The following PEMT variants were observed in gnomAD, a reference collection of about 807,000 sequenced individuals.
PEMT encodes phospholipid methyltransferase.
PEMT carries 23 observed loss-of-function variants against 27.4 expected under a neutral mutation model. The observed-to-expected ratio is 0.84, with a 90% CI of 0.60 to 1.19. The LOEUF (loss-of-function observed/expected upper bound fraction) is 1.19, where lower values mean the gene tolerates loss of function less well. PEMT is among the 50% of genes most tolerant of loss of function. The pLI is 0.00. For synonymous variants in PEMT, 137 were observed against 139.1 expected (o/e 0.98, Z 0.11); for missense variants, 307 against 310.1 (o/e 0.99, Z 0.07).
intron 2 of PEMT, among the ~76,000 whole-genome samples, chr17:17,535,955 C>T (rs1908437227): frequency 6.6e-6 from 1 of 152,214 alleles, no homozygotes; most frequent in Non-Finnish European, 1.5e-5. Flanking sequence ...AGGGGATGCC[C>T]CTGCCCTCCC....
chr17:17,521,703 T>G (rs1907274294), intron 3 of PEMT, among the ~76,000 whole-genome samples: 1 of 152,184 alleles, frequency 6.6e-6, no homozygotes, highest in Non-Finnish European at 1.5e-5. Context: ...TAGCTGGGAT[T>G]ACAGGCGCAT....
intron 2 of PEMT, among the ~76,000 whole-genome samples, chr17:17,568,327 C>T (rs1020404178): frequency 6.6e-6 from 1 of 152,230 alleles, no homozygotes; most frequent in Non-Finnish European, 1.5e-5. Context: ...CCTGGTTATG[C>T]TCTCTCCGTA....
At chr17:17,548,797 G>A (rs1374701360) in intron 2 of PEMT, among the ~76,000 whole-genome samples, 2 of 152,104 alleles carry the variant, frequency 1.3e-5, no homozygotes, top group South Asian at 2.1e-4. Context: ...CGCCCGCCTC[G>A]GCCTCCCAAA....
At chr17:17,548,541 C>T (rs751184578) in intron 2 of PEMT, among the ~76,000 whole-genome samples, 2 of 152,116 alleles carry the variant, frequency 1.3e-5, no homozygotes, top group South Asian at 2.1e-4. Flanking sequence ...GACGGCTTCA[C>T]GGTGAGCACA....
intron 3 of PEMT, 72 bp downstream of exon 3, chr17:17,522,208 T>C: frequency 9.1e-7 from 1 of 1,097,212 alleles, no homozygotes; most frequent in Admixed American, 1.8e-5. Flanking sequence ...TGGTGAGGGA[T>C]GAGGTACCAC....
At chr17:17,568,262 C>T (rs1662216352) in intron 2 of PEMT, among the ~76,000 whole-genome samples, 1 of 152,238 alleles carries the variant, frequency 6.6e-6, no homozygotes, top group Non-Finnish European at 1.5e-5. Context: ...GCTGCCCTGC[C>T]TATGGCCCAC....
chr17:17,550,728 C>A (rs190667758), intron 2 of PEMT, among the ~76,000 whole-genome samples: 1 of 152,320 alleles, frequency 6.6e-6, no homozygotes, highest in African/African-American at 2.4e-5. Context: ...GGGCACAAAG[C>A]CTGGACAGGA....
chr17:17,573,691 T>C (rs1911365858), intron 2 of PEMT, among the ~76,000 whole-genome samples: 1 of 152,172 alleles, frequency 6.6e-6, no homozygotes, highest in South Asian at 2.1e-4. Context: ...CACGGGGAAC[T>C]GGAACCAATC....
chr17:17,555,006 C>T lies in PEMT; in HGVS notation c.204+21914G>A, dbSNP rs549860121. Among the ~76,000 whole-genome samples the T allele has an allele frequency of 2.0e-4, 30 of 152,224 alleles. No homozygotes were observed. In the South Asian group the frequency reaches 2.5e-3, roughly 13 times the overall value. ...CCATGCACGGCCTCCACTGGGGATG[C>T]GGATGGGCACCAGAGTGACCACACA... On this transcript the variant is annotated intron_variant, in intron 2 of 6. Coordinates refer to ENST00000255389, the MANE Select transcript of PEMT (RefSeq NM_148172.3).
At chr17:17,576,846 C>T (rs531882592) in intron 2 of PEMT, 74 bp downstream of exon 2, 14 of 1,231,130 alleles carry the variant, frequency 1.1e-5, no homozygotes, top group African/African-American at 8.9e-5. Flanking sequence ...CAGCAACCAC[C>T]GCGATCCCCT....
intron 1 of PEMT, among the ~76,000 whole-genome samples, chr17:17,584,011 C>A (rs1303800976): frequency 6.6e-6 from 1 of 152,238 alleles, no homozygotes; most frequent in Non-Finnish European, 1.5e-5. Flanking sequence ...CTGCACCAAA[C>A]TCAAAAGGCA....
intron 1 of PEMT, among the ~76,000 whole-genome samples, chr17:17,583,114 G>A (rs571154763): frequency 1.0e-3 from 151 of 150,760 alleles, no homozygotes; most frequent in Admixed American, 2.0e-3. Context: ...AGTGGCTCAC[G>A]CCTGTAATCC....
intron 1 of PEMT, among the ~76,000 whole-genome samples, chr17:17,589,562 A>G (rs748603874): frequency 6.6e-6 from 1 of 152,166 alleles, no homozygotes; most frequent in African/African-American, 2.4e-5. Context: ...TAAATTATGC[A>G]TGTGGCACAC....
At chr17:17,574,244 C>CAAAAA (rs1158184847) in intron 2 of PEMT, among the ~76,000 whole-genome samples, 1 of 45,240 alleles carries the variant, frequency 2.2e-5, no homozygotes, top group African/African-American at 6.0e-5. Context: ...AGCTTATGAC[C>CAAAAA]AAAAAAAAAA....
intron 2 of PEMT, among the ~76,000 whole-genome samples, chr17:17,528,603 T>A (rs1014428616): frequency 6.6e-6 from 1 of 152,156 alleles, no homozygotes; most frequent in Non-Finnish European, 1.5e-5. Context: ...GTAGGTGACA[T>A]ACAAATGTCT....
At chr17:17,535,975 G>T (rs1454541032) in intron 2 of PEMT, among the ~76,000 whole-genome samples, 6 of 152,212 alleles carry the variant, frequency 3.9e-5, no homozygotes, top group Admixed American at 3.9e-4. Context: ...CTTGGGTTCT[G>T]TGAGGGCCTT....
chr17:17,583,159 T>G (rs1912069274), intron 1 of PEMT, among the ~76,000 whole-genome samples: 1 of 151,918 alleles, frequency 6.6e-6, no homozygotes, highest in African/African-American at 2.4e-5. Flanking sequence ...GCAGATCACC[T>G]GATGGTCAGG....
intron 1 of PEMT, among the ~76,000 whole-genome samples, chr17:17,590,675 G>C (rs539014959): frequency 6.6e-6 from 1 of 152,372 alleles, no homozygotes; most frequent in East Asian, 1.9e-4. Flanking sequence ...GGAATGAAGG[G>C]AGCGAAAGAA....
chr17:17,569,837 G>T (rs991556476), intron 2 of PEMT, among the ~76,000 whole-genome samples: 2 of 152,200 alleles, frequency 1.3e-5, no homozygotes, highest in African/African-American at 4.8e-5. Flanking sequence ...GGCTCCCTCG[G>T]GACAACACAG....
Sources: allele counts gnomAD v4.1 joint callset (sites outside exome capture counted in the v4.1 genomes callset), GRCh38; gene constraint gnomAD v4.1.1; transcripts MANE v1.5; gene names NCBI Gene and HGNC (gene_info 2026-07-23, HGNC 2026-07-21).